FAM227B: variants seen among roughly 807,000 people sequenced by gnomAD.
FAM227B encodes protein FAM227B.
Under a neutral mutation model 73.8 loss-of-function variants are expected in FAM227B, and 88 were observed. The ratio of observed to expected loss-of-function variants is 1.19; its 90% CI spans 1.00 to 1.42. FAM227B has a LOEUF of 1.42. Among genes scored for constraint, FAM227B ranks in the 40% most tolerant of loss-of-function variants. The probability of loss-of-function intolerance (pLI) is 0.00; values close to 1 mark genes in which losing one functional copy is unlikely to be tolerated. For synonymous variants in FAM227B, 210 were observed against 190.5 expected, an observed-to-expected ratio of 1.10 and a Z score of -0.84; for missense variants, 632 against 590.9, an observed-to-expected ratio of 1.07 and a Z score of -0.72.
Position 49,489,909 on chromosome 15 carries a change from G to GAGAGAGAC in FAM227B, c.1012+18301_1012+18302insGTCTCTCT, listed in dbSNP as rs1555505100. On this transcript the variant is annotated intron_variant, in intron 11 of 15. Coordinates refer to ENST00000299338, the MANE Select transcript of FAM227B (RefSeq NM_152647.3). ...AGAGAGAGAGAGAGAGAGAGAGAGA[G>GAGAGAGAC]AGAGACAGAGAGAGAGACAGAGAGA... Among the ~76,000 whole-genome samples, 18 of 53,152 alleles carry GAGAGAGAC rather than the reference G, an allele frequency of 3.4e-4. 3 individuals are homozygous for GAGAGAGAC. The South Asian group carries it at 0.012, about 35-fold the overall frequency. 34.9% of individuals were successfully genotyped at this position (53,152 alleles called of 152,430 possible).
intron 11 of FAM227B, among the ~76,000 whole-genome samples, chr15:49,501,516 T>G (rs1467865525): frequency 6.6e-6 from 1 of 152,192 alleles, no homozygotes; most frequent in Non-Finnish European, 1.5e-5. Flanking sequence ...GTATTCAAGA[T>G]GTAACCCTGG....
At position 49,508,322 on chromosome 15, in the gene FAM227B, TC is replaced by T; in HGVS notation, c.900del (p.Trp300Ter). The stretch of plus-strand genomic sequence containing the variant: ...GAGAGTTCTTTCAGTTTCCAGTGGA[TC>T]CAAAAGCCTTTTTGAGGTTTTAAAC... ...CSGLKPQKGF[W>X]IHWKLKELST... On this transcript the variant is annotated frameshift_variant, in exon 11 of 16. Transcript: ENST00000299338. LOFTEE classifies it high-confidence loss of function. The T allele has an allele frequency of 6.2e-7, 1 of 1,603,158 alleles. No homozygotes were observed. Among genetic ancestry groups the T allele is most frequent in the Non-Finnish European group, 8.5e-7 (1 of 1,176,552 alleles).
intron 13 of FAM227B, among the ~76,000 whole-genome samples, chr15:49,357,703 A>G (rs928450095): frequency 9.9e-5 from 15 of 152,010 alleles, no homozygotes; most frequent in African/African-American, 3.1e-4. Context: ...ATTCCAATCA[A>G]TAGAAAAAGA....
intron 2 of FAM227B, among the ~76,000 whole-genome samples, chr15:49,614,537 T>A (rs2078162915): frequency 6.6e-6 from 1 of 152,220 alleles, no homozygotes; most frequent in Admixed American, 6.5e-5. Flanking sequence ...AAAACAAGCC[T>A]AACTGTCCCA....
chr15:49,506,986 G>T (rs1314319958), intron 11 of FAM227B, among the ~76,000 whole-genome samples: 1 of 151,940 alleles, frequency 6.6e-6, no homozygotes, highest in Non-Finnish European at 1.5e-5. Context: ...TCTCAATTTA[G>T]TTATTCATAT....
intron 5 of FAM227B, among the ~76,000 whole-genome samples, chr15:49,583,313 A>G (rs1434236589): frequency 6.6e-6 from 1 of 152,148 alleles, no homozygotes; most frequent in Non-Finnish European, 1.5e-5. Flanking sequence ...GGTCAGCACA[A>G]AAGTTTACAG....
intron 10 of FAM227B, among the ~76,000 whole-genome samples, chr15:49,536,634 G>A (rs1248635342): frequency 6.6e-6 from 1 of 151,826 alleles, no homozygotes; most frequent in Non-Finnish European, 1.5e-5. Context: ...AACGTTGTAG[G>A]CATTAAACCT....
chr15:49,397,602 G>A (rs2047781632), intron 11 of FAM227B, among the ~76,000 whole-genome samples: 1 of 152,124 alleles, frequency 6.6e-6, no homozygotes, highest in Admixed American at 6.5e-5. Flanking sequence ...TAGAGAGAAA[G>A]GTCGGGTCAC....
At chr15:49,347,967 T>C (rs2041750078) in intron 13 of FAM227B, among the ~76,000 whole-genome samples, 1 of 135,482 alleles carries the variant, frequency 7.4e-6, no homozygotes, top group African/African-American at 2.8e-5. Flanking sequence ...TGCAGTGAGC[T>C]GAGATTGCAC....
intron 9 of FAM227B, among the ~76,000 whole-genome samples, chr15:49,552,516 A>AT (rs2073152445): frequency 6.6e-6 from 1 of 152,036 alleles, no homozygotes; most frequent in Non-Finnish European, 1.5e-5. Context: ...GGATATTGGT[A>AT]TTTTTCCTTT....
At chr15:49,583,594 G>A (rs1041511098) in intron 5 of FAM227B, among the ~76,000 whole-genome samples, 1 of 149,720 alleles carries the variant, frequency 6.7e-6, no homozygotes, top group African/African-American at 2.5e-5. Context: ...GGGCTCCTCT[G>A]TCTATGGAGT....
At chr15:49,412,910 G>C (rs16962425) in intron 11 of FAM227B, among the ~76,000 whole-genome samples, 3,427 of 152,124 alleles carry the variant, frequency 0.023, 98 homozygotes, top group South Asian at 0.077. Flanking sequence ...AGATCTCTCT[G>C]ATCCAGAATG....
intron 11 of FAM227B, among the ~76,000 whole-genome samples, chr15:49,381,756 C>A (rs1401053978): frequency 6.6e-6 from 1 of 151,998 alleles, no homozygotes; most frequent in Non-Finnish European, 1.5e-5. Flanking sequence ...TGTTTTTACA[C>A]GTGATATTAT....
rs146351578 is a variant in FAM227B, at chr15:49,380,686, C to G, written c.1013-9287G>C. On this transcript the variant is annotated intron_variant, in intron 11 of 15. Coordinates refer to ENST00000299338, the MANE Select transcript of FAM227B (RefSeq NM_152647.3). ...AAATTGGCTCATTTAACATCCACTT[C>G]AAAGTCCTTTACTTTTTTTTCTACT... Among the ~76,000 whole-genome samples the G allele has an allele frequency of 2.6e-4, 39 of 152,238 alleles. No homozygotes were observed. In the East Asian group the frequency reaches 7.0e-3, roughly 27 times the overall value.
chr15:49,332,373 A>G (rs1437983311), intron 14 of FAM227B, among the ~76,000 whole-genome samples: 1 of 152,228 alleles, frequency 6.6e-6, no homozygotes, highest in Non-Finnish European at 1.5e-5. Flanking sequence ...AGGGAGATGG[A>G]AAAGGCCAGT....
At chr15:49,388,670 A>G (rs1305293307) in intron 11 of FAM227B, among the ~76,000 whole-genome samples, 1 of 152,046 alleles carries the variant, frequency 6.6e-6, no homozygotes, top group Non-Finnish European at 1.5e-5. Flanking sequence ...CTGCACAACA[A>G]AAGAAATAAT....
At chr15:49,360,351 A>T (rs1169410262) in intron 13 of FAM227B, among the ~76,000 whole-genome samples, 1 of 152,200 alleles carries the variant, frequency 6.6e-6, no homozygotes, top group Non-Finnish European at 1.5e-5. Flanking sequence ...AAACTGCAAC[A>T]AAATGTGAAT....
At chr15:49,489,883 T>TATATATATATATATAGAG (rs1555505060) in intron 11 of FAM227B, among the ~76,000 whole-genome samples, 4 of 22,938 alleles carry the variant, frequency 1.7e-4, no homozygotes, top group South Asian at 3.7e-3. Context: ...TATATATATA[T>TATATATATATATATAGAG]AGAGAGAGAG....
intron 11 of FAM227B, chr15:49,396,507 G>T (rs1249760295): frequency 1.2e-5 from 2 of 166,728 alleles, no homozygotes; most frequent in African/African-American, 4.8e-5. Context: ...AGCTCAAGGA[G>T]GCCTGCCTGC....
Sources: allele counts gnomAD v4.1 joint callset (sites outside exome capture counted in the v4.1 genomes callset), GRCh38; gene constraint gnomAD v4.1.1; transcripts MANE v1.5; gene names NCBI Gene and HGNC (gene_info 2026-07-23, HGNC 2026-07-21).